Variants in MUC4 observed in about 807,000 individuals in gnomAD.
The protein encoded by MUC4 is mucin 4, cell surface associated, also known as mucin-4.
Under a neutral mutation model 257.9 loss-of-function variants are expected in MUC4, and 202 were observed. The ratio of observed to expected loss-of-function variants is 0.78; its 90% CI spans 0.70 to 0.88. The LOEUF is 0.88. Among genes scored for constraint, MUC4 ranks in the 40% least tolerant of loss-of-function variants. The pLI is 0.00. For synonymous variants in MUC4, 2,351 were observed against 2,757.1 expected (o/e 0.85, Z 4.62); for missense variants, 5,976 against 6,513.7 (o/e 0.92, Z 2.84).
chr3:195,788,927 G>A lies in MUC4; in HGVS notation c.2653C>T (p.Pro885Ser), dbSNP rs1332137286. ...GAAGTTGGGCTTGACTGTCCTGTCG[G>A]TCTCCCTGCAGTGGAGGCCTCAGAG... ...TLSEASTAGR[P>S]TGQSSPTSPS... is the part of the protein sequence containing the mutation. Residue 885 changes from proline (P) to serine (S), a missense_variant, in exon 2 of 25, where the codon CCG (proline) becomes TCG (serine). Pro to Ser is a moderately conservative substitution (Grantham distance 74). Transcript: ENST00000463781. The A allele has an allele frequency of 1.2e-6, 2 of 1,613,634 alleles. No individual in the cohort carries two copies. The highest frequency in any genetic ancestry group is 1.1e-5 in the South Asian group (1 of 91,044).
chr3:195,796,292 T>G (rs1259181359), intron 1 of MUC4, among the ~76,000 whole-genome samples: 3 of 152,122 alleles, frequency 2.0e-5, no homozygotes, highest in Non-Finnish European at 4.4e-5. Context: ...CATGTCGTCC[T>G]GGCTGGTCTC....
rs1181685559 is a variant in MUC4 at position 195,763,459 on chromosome 3, G to T, written c.14227C>A (p.Arg4743Ser). 1 of 1,451,250 alleles carries T rather than the reference G, an allele frequency of 6.9e-7. No individual in the cohort carries two copies. The highest frequency in any genetic ancestry group is 2.7e-5 in the East Asian group (1 of 37,612). The allele number at this position is 1,451,250 out of a possible 1,614,324, so 89.9% of individuals were successfully genotyped here. ...TNFIAFAAQY[R>S]SSSLGPVTVQ... ...GTGACGGGGCCCAGGCTGCTGGAGC[G>T]GTACTGAGCCGCAAAGGCGATGAAG... Residue 4743 changes from arginine (R) to serine (S), a missense_variant, in exon 12 of 25, where the codon CGC becomes AGC. This residue lies in a region of MUC4 where 996 missense variants were observed against 1,137.3 expected (regional missense o/e 0.88). Coordinates refer to ENST00000463781, the MANE Select transcript of MUC4 (RefSeq NM_018406.7).
chr3:195,758,212 G>GC (rs1265800346), intron 17 of MUC4, among the ~76,000 whole-genome samples: 1 of 152,174 alleles, frequency 6.6e-6, no homozygotes, highest in Non-Finnish European at 1.5e-5. Flanking sequence ...GACGAAAGCA[G>GC]CGTCCCTTGT....
At chr3:195,803,254 A>G (rs1206270150) in intron 1 of MUC4, among the ~76,000 whole-genome samples, 7 of 152,224 alleles carry the variant, frequency 4.6e-5, no homozygotes, top group Non-Finnish European at 8.8e-5. Context: ...CCACCAGAAC[A>G]AGACATGCGG....
At chr3:195,761,414 G>A (rs1560241842) in intron 15 of MUC4, 70 bp downstream of exon 15, 23 of 1,330,700 alleles carry the variant, frequency 1.7e-5, no homozygotes, top group Non-Finnish European at 2.0e-5. Flanking sequence ...CTACAGGGCC[G>A]AGGGGGACGA....
chr3:195,804,372 C>T (rs1042991374), intron 1 of MUC4, among the ~76,000 whole-genome samples: 2 of 152,184 alleles, frequency 1.3e-5, no homozygotes, highest in Non-Finnish European at 2.9e-5. Flanking sequence ...ACAGGTGTGC[C>T]GAGGTGACAG....
At chr3:195,759,379 G>A in intron 16 of MUC4, 118 bp from the exon 17 acceptor site, 1 of 1,335,326 alleles carries the variant, frequency 7.5e-7, no homozygotes, top group East Asian at 2.3e-5. Context: ...ACCCACCTCT[G>A]GAAGAAGGAA....
Position 195,771,921 on chromosome 3 carries a change from T to C in MUC4, c.13078-105A>G, listed in dbSNP as rs946615222. ...AGCGTGACCCCCAAGGGTAGAGCTT[T>C]AGAGATGCTAACAACCCCTGGAAGT... On this transcript the variant is annotated intron_variant, in intron 4 of 24. Transcript: ENST00000463781. 18 of 1,281,852 alleles carry C rather than the reference T, an allele frequency of 1.4e-5. 1 individual carries two copies. The Middle Eastern group carries it at 5.9e-4, about 42-fold the overall frequency. The allele number at this position is 1,281,852 out of a possible 1,614,324, so 79.4% of individuals were successfully genotyped here.
chr3:195,769,206 C>A, intron 6 of MUC4, 54 bp from the exon 7 acceptor site: 1 of 1,602,152 alleles, frequency 6.2e-7, no homozygotes. Flanking sequence ...CCGGGGTCTC[C>A]TCTCTTATGT....
intron 10 of MUC4, 111 bp downstream of exon 10, chr3:195,764,886 G>A (rs1342496866): frequency 5.5e-6 from 8 of 1,452,736 alleles, no homozygotes; most frequent in Admixed American, 2.0e-5. Flanking sequence ...CGATCAGGAA[G>A]TGGAGGCCCA....
chr3:195,788,711 G>C lies in MUC4; in HGVS notation c.2869C>G (p.Leu957Val), dbSNP rs766787031. Residue 957 changes from leucine (L) to valine (V), a missense_variant, in exon 2 of 25, where the codon CTG becomes GTG. Leu to Val is a conservative substitution (Grantham distance 32). This residue lies in a region of MUC4 where 1,583 missense variants were observed against 1,257.4 expected (regional missense o/e 1.26). Coordinates refer to ENST00000463781, the MANE Select transcript of MUC4 (RefSeq NM_018406.7). ...GTTTTACCAGACCCTGAAGGTGACAGAGTGTGGGTCTCGGTTTGTGGAGAT... is the reference window on the plus strand; with the variant it reads ...GTTTTACCAGACCCTGAAGGTGACACAGTGTGGGTCTCGGTTTGTGGAGAT... Reference protein sequence around the residue: ...LTSPQTETHTLSPSGSGKTFT... With the variant: ...LTSPQTETHTVSPSGSGKTFT... 4 of 1,613,082 alleles carry C rather than the reference G, an allele frequency of 2.5e-6. No individual in the cohort carries two copies. In the East Asian group the frequency reaches 8.9e-5, roughly 36 times the overall value.
At chr3:195,772,407 C>T (rs371837668) in intron 4 of MUC4, among the ~76,000 whole-genome samples, 1,561 of 83,242 alleles carry the variant, frequency 0.019, 77 homozygotes, top group Middle Eastern at 0.029. Context: ...AGACACCCTC[C>T]CTTCATCGCT....
chr3:195,775,311 C>A (rs1724139609), intron 3 of MUC4, among the ~76,000 whole-genome samples: 1 of 112,032 alleles, frequency 8.9e-6, no homozygotes, highest in Admixed American at 8.6e-5. Context: ...TTTTCAGCCA[C>A]CCCAAATGCT....
In MUC4 at chr3:195,754,271, A is replaced by C; in HGVS notation, c.15270T>G (p.Pro5090=). The C allele has an allele frequency of 6.2e-7, 1 of 1,613,938 alleles. No homozygotes were observed. Among genetic ancestry groups the C allele is most frequent in the Non-Finnish European group, 8.5e-7 (1 of 1,179,970 alleles). Residue 5090 remains proline, a synonymous_variant, in exon 19 of 25, where the codon CCT becomes CCG. Transcript: ENST00000463781. ...EPCFPSVHCV[P]GKGCEACPPN... ...GAGGGCAGGCCTCGCAGCCCTTCCCAGGAACGCAGTGGACACTCGGGAAGC... is the reference window on the plus strand; with the variant it reads ...GAGGGCAGGCCTCGCAGCCCTTCCCCGGAACGCAGTGGACACTCGGGAAGC...
chr3:195,791,496 TC>T lies in MUC4; in HGVS notation c.83del (p.Gly28GlufsTer7). 1 of 1,608,224 alleles carries T rather than the reference TC, an allele frequency of 6.2e-7. No individual in the cohort carries two copies. Among genetic ancestry groups the T allele is most frequent in the Non-Finnish European group, 8.5e-7 (1 of 1,175,930 alleles). On this transcript the variant is annotated frameshift_variant and splice_region_variant, in exon 2 of 25. Transcript: ENST00000463781. LOFTEE classifies it high-confidence loss of function. ...CAGTTATTAATGTGTCCTCTGTGGT[TC>T]CTGGAGTGAACCAAAATAGGCAAGC... ...CLCLLPHVVP[G>X]TTEDTLITGS...
rs574843025 is a variant in MUC4, at chr3:195,771,448, C to A, written c.13242+204G>T. Among the ~76,000 whole-genome samples, 11 of 152,130 alleles carry A rather than the reference C, an allele frequency of 7.2e-5. No homozygotes were observed. The South Asian group carries it at 2.3e-3, about 32-fold the overall frequency. On this transcript the variant is annotated intron_variant, in intron 5 of 24. Transcript: ENST00000463781. Reference sequence around the variant, plus strand: ...AGTCTCGTGGTTGGGTTGGGGTATTCCTGGTCAGTCTCGTGGTTGGGTTGG... The same window carrying A: ...AGTCTCGTGGTTGGGTTGGGGTATTACTGGTCAGTCTCGTGGTTGGGTTGG...
chr3:195,774,217 C>A lies in MUC4; in HGVS notation c.13032G>T (p.Pro4344=). 3 of 1,608,314 alleles carry A rather than the reference C, an allele frequency of 1.9e-6. No homozygotes were observed. Among genetic ancestry groups the A allele is most frequent in the Non-Finnish European group, 2.5e-6 (3 of 1,177,498 alleles). Residue 4344 remains proline, a synonymous_variant, in exon 4 of 25, where the codon CCG becomes CCT. Coordinates refer to ENST00000463781, the MANE Select transcript of MUC4 (RefSeq NM_018406.7). ...AGGAGCCAAGGGGGAAGCCAGTCGC[C>A]GGCTTGAAGAGTGGGGAGGTGAAGT... ...TVDFTSPLFK[P]ATGFPLGSSL...
chr3:195,780,501 C>T lies in MUC4; in HGVS notation c.11079G>A (p.Gln3693=). 2 of 528,658 alleles carry T rather than the reference C, an allele frequency of 3.8e-6. 1 individual carries two copies. The allele number at this position is 528,658 out of a possible 1,614,324, so 32.7% of individuals were successfully genotyped here. ...VTDTSSASTG[Q]ATPLPVTIPS... is the part of the protein sequence containing the mutation. ...GGATGGTGACAGGAAGAGGGGTGGC[C>T]TGACCTGTGGATGCTGAGGAAGTGT... The change falls in exon 2 of 25, where the codon CAG becomes CAA. Residue 3693 remains glutamine (Q), a synonymous_variant. Transcript: ENST00000463781.
rs796281453 is a variant in MUC4 at position 195,800,277 on chromosome 3, CA to C, written c.83-8781del. 7.3e-3 allele frequency among the ~76,000 whole-genome samples: 1,024 copies of C among 140,684 alleles called. 7 individuals carry two copies. The highest frequency in any genetic ancestry group is 0.021 in the African/African-American group (823 of 38,778). The allele number at this position is 140,684 out of a possible 152,430, so 92.3% of individuals were successfully genotyped here. A position where few individuals can be genotyped will look rare whatever the true frequency, so the allele number is the denominator to read the frequency against. On this transcript the variant is annotated intron_variant, in intron 1 of 24. Coordinates refer to ENST00000463781, the MANE Select transcript of MUC4 (RefSeq NM_018406.7). Reference sequence around the variant, plus strand: ...TGGGCGACAGAGCGGGACTCCATCTCAAAAAAAAAAAAAATTCTTGCTAAAC... The same window carrying C: ...TGGGCGACAGAGCGGGACTCCATCTCAAAAAAAAAAAAATTCTTGCTAAAC...
Sources: allele counts gnomAD v4.1 joint callset (sites outside exome capture counted in the v4.1 genomes callset), GRCh38; gene constraint gnomAD v4.1.1; regional missense constraint gnomAD v4.1.1; transcripts MANE v1.5; gene names NCBI Gene and HGNC (gene_info 2026-07-23, HGNC 2026-07-21).